Variants in AMBRA1 observed in about 807,000 individuals in gnomAD.
The protein encoded by AMBRA1 is autophagy and beclin 1 regulator 1, also known as activating molecule in BECN1-regulated autophagy protein 1.
AMBRA1 carries 47 observed loss-of-function variants against 125.4 expected under a neutral mutation model. That is an observed-to-expected ratio of 0.37 (90% CI 0.30 to 0.48). The LOEUF (loss-of-function observed/expected upper bound fraction) is 0.48, where lower values mean the gene tolerates loss of function less well. Among genes scored for constraint, AMBRA1 ranks in the 20% least tolerant of loss-of-function variants. The pLI is 0.99. For missense variants in AMBRA1, 1,331 were observed against 1,693.4 expected (o/e 0.79, Z 3.76); for synonymous variants, 626 against 655.5 (o/e 0.95, Z 0.69).
At chr11:46,569,107 G>A (rs1247667654) in intron 1 of AMBRA1, among the ~76,000 whole-genome samples, 3 of 150,074 alleles carry the variant, frequency 2.0e-5, no homozygotes, top group Admixed American at 6.7e-5. Context: ...ATGCCCAGCC[G>A]ACCCTACCTT....
At chr11:46,454,354 C>G (rs1948750686) in intron 11 of AMBRA1, among the ~76,000 whole-genome samples, 1 of 151,706 alleles carries the variant, frequency 6.6e-6, no homozygotes, top group South Asian at 2.1e-4. Flanking sequence ...CTATGTATCA[C>G]AGCTTCATAA....
chr11:46,469,461 T>C (rs1949480331), intron 11 of AMBRA1, among the ~76,000 whole-genome samples: 1 of 152,182 alleles, frequency 6.6e-6, no homozygotes, highest in Non-Finnish European at 1.5e-5. Context: ...GTATGGTTCC[T>C]AACTTGAGAG....
intron 8 of AMBRA1, among the ~76,000 whole-genome samples, chr11:46,510,721 T>C (rs1310430387): frequency 1.3e-5 from 2 of 152,194 alleles, no homozygotes; most frequent in Non-Finnish European, 2.9e-5. Context: ...AATACAAGTA[T>C]ATCCTAGCCT....
intron 9 of AMBRA1, among the ~76,000 whole-genome samples, chr11:46,502,491 A>G (rs1950879547): frequency 6.6e-6 from 1 of 152,214 alleles, no homozygotes; most frequent in African/African-American, 2.4e-5. Flanking sequence ...TTTACTTGCC[A>G]AAAGTTACCC....
chr11:46,575,099 C>G (rs575715112), intron 1 of AMBRA1, among the ~76,000 whole-genome samples: 4 of 152,192 alleles, frequency 2.6e-5, no homozygotes, highest in Admixed American at 6.6e-5. Flanking sequence ...CCTAATAAAT[C>G]CTTCATTAAA....
At chr11:46,429,653 T>C (rs1400054865) in intron 14 of AMBRA1, among the ~76,000 whole-genome samples, 1 of 152,190 alleles carries the variant, frequency 6.6e-6, no homozygotes, top group Non-Finnish European at 1.5e-5. Flanking sequence ...ATCAGTAATT[T>C]TGTATTTTTG....
At chr11:46,541,819 G>A in intron 7 of AMBRA1, 126 bp downstream of exon 7, 1 of 1,290,484 alleles carries the variant, frequency 7.7e-7, no homozygotes, top group Admixed American at 2.4e-5. Flanking sequence ...AAAATGCAAT[G>A]GCGAGATCAG....
chr11:46,403,916 G>A (rs1945879007), intron 17 of AMBRA1, among the ~76,000 whole-genome samples: 1 of 152,126 alleles, frequency 6.6e-6, no homozygotes, highest in South Asian at 2.1e-4. Flanking sequence ...ATAAATCTGT[G>A]TGGCTGCATG....
chr11:46,583,362 A>G (rs2044244663), intron 1 of AMBRA1, among the ~76,000 whole-genome samples: 2 of 151,826 alleles, frequency 1.3e-5, no homozygotes, highest in African/African-American at 2.4e-5. Context: ...AAGATGGATT[A>G]AAGACTTAAA....
At chr11:46,511,126 T>C (rs1401541540) in intron 8 of AMBRA1, among the ~76,000 whole-genome samples, 1 of 152,244 alleles carries the variant, frequency 6.6e-6, no homozygotes, top group African/African-American at 2.4e-5. Flanking sequence ...AGTATCCTTG[T>C]AGAACACTGC....
intron 14 of AMBRA1, among the ~76,000 whole-genome samples, chr11:46,422,812 C>T (rs1288271447): frequency 6.6e-6 from 1 of 152,138 alleles, no homozygotes. Flanking sequence ...ATCTCATCAT[C>T]TGTAAAGCTA....
chr11:46,444,497 C>T (rs1396575889), intron 11 of AMBRA1, among the ~76,000 whole-genome samples: 1 of 152,222 alleles, frequency 6.6e-6, no homozygotes, highest in East Asian at 1.9e-4. Flanking sequence ...AACCACCCTC[C>T]TTCTGATCAG....
chr11:46,561,479 C>A (rs2043336089), intron 1 of AMBRA1, among the ~76,000 whole-genome samples: 1 of 151,438 alleles, frequency 6.6e-6, no homozygotes, highest in Non-Finnish European at 1.5e-5. Context: ...GATTACTCAT[C>A]AGACAAATAA....
intron 14 of AMBRA1, among the ~76,000 whole-genome samples, chr11:46,430,351 T>C (rs1947394637): frequency 6.6e-6 from 1 of 152,236 alleles, no homozygotes; most frequent in South Asian, 2.1e-4. Context: ...AGACTGACTC[T>C]GCCTTGCTGA....
intron 10 of AMBRA1, 188 bp from the exon 11 acceptor site, chr11:46,493,896 T>G: frequency 1.6e-6 from 1 of 636,166 alleles, no homozygotes; most frequent in Non-Finnish European, 2.7e-6. Context: ...CCTTCTAAAG[T>G]TCCCCCAACA....
rs144204412 is a variant in AMBRA1 at position 46,462,460 on chromosome 11, T to A, written c.2522-18862A>T. Among the ~76,000 whole-genome samples the A allele has an allele frequency of 3.4e-3, 521 of 152,286 alleles. 2 individuals carry two copies. Among genetic ancestry groups the A allele is most frequent in the African/African-American group, 0.012 (503 of 41,562 alleles). On this transcript the variant is annotated intron_variant, in intron 11 of 17. Transcript: ENST00000683756. ...TTAAAGCAGATTTTTGATTGTCACT[T>A]ACCTGCTCTAAAGCTTTAGTGGCTC... is the stretch of plus-strand genomic sequence containing the variant.
At chr11:46,540,631 CAT>C (rs1952690880) in intron 7 of AMBRA1, among the ~76,000 whole-genome samples, 1 of 152,188 alleles carries the variant, frequency 6.6e-6, no homozygotes, top group Non-Finnish European at 1.5e-5. Context: ...CCTCCCTTAA[CAT>C]GTGCTGTTTC....
intron 12 of AMBRA1, among the ~76,000 whole-genome samples, chr11:46,439,697 C>T (rs184643150): frequency 1.3e-5 from 2 of 152,240 alleles, no homozygotes; most frequent in Admixed American, 1.3e-4. Context: ...AAAGTCAAAA[C>T]TCGAATGACA....
At chr11:46,411,236 G>A (rs1267470435) in intron 15 of AMBRA1, among the ~76,000 whole-genome samples, 3 of 152,064 alleles carry the variant, frequency 2.0e-5, no homozygotes, top group African/African-American at 7.2e-5. Context: ...TAACCTAGAG[G>A]CCTAGGTCAC....
Sources: gnomAD v4.1 joint callset for allele counts (sites outside exome capture counted in the v4.1 genomes callset) on GRCh38, gnomAD v4.1.1 for gene constraint, MANE v1.5 for transcripts, NCBI Gene and HGNC (gene_info 2026-07-23, HGNC 2026-07-21) for gene names.